The following TRPS1 variants were observed in gnomAD, a reference collection of about 807,000 sequenced individuals.
The protein encoded by TRPS1 is zinc finger transcription factor Trps1.
A neutral mutation model predicts 101.2 loss-of-function variants in TRPS1; 6 were observed. The observed-to-expected ratio is 0.06, with a 90% CI of 0.03 to 0.12. The LOEUF is 0.12. Ranked by LOEUF, TRPS1 falls within the 10% of genes least tolerant of loss-of-function variation. The pLI, the probability that TRPS1 is intolerant of heterozygous loss-of-function variation, is 1.00. For missense variants in TRPS1, 1,363 were observed against 1,567.0 expected, an observed-to-expected ratio of 0.87 and a Z score of 2.20; for synonymous variants, 578 against 589.8, an observed-to-expected ratio of 0.98 and a Z score of 0.29.
rs187306755 is a variant in TRPS1 at position 115,664,015 on chromosome 8, C to A, written c.-122+4530G>T. On this transcript the variant is annotated intron_variant, in intron 1 of 6. Coordinates refer to ENST00000395715, the MANE Select transcript of TRPS1 (RefSeq NM_014112.5). ...GCACTGTGATAGCTCAAAAAGTGAT[C>A]ATAATAATAAAATCGAAGATATTAT... Among the ~76,000 whole-genome samples, 35 of 152,014 alleles carry A rather than the reference C, an allele frequency of 2.3e-4. No homozygotes were observed. In the East Asian group the frequency reaches 5.4e-3, roughly 23 times the overall value.
chr8:115,657,396 A>G (rs1563674518), intron 1 of TRPS1, among the ~76,000 whole-genome samples: 1 of 152,148 alleles, frequency 6.6e-6, no homozygotes, highest in Non-Finnish European at 1.5e-5. Context: ...ATGGAAGTAC[A>G]ATCATTTATT....
intron 5 of TRPS1, among the ~76,000 whole-genome samples, chr8:115,584,153 T>C (rs371213397): frequency 6.6e-6 from 1 of 152,054 alleles, no homozygotes; most frequent in Non-Finnish European, 1.5e-5. Flanking sequence ...TTTACCAGCA[T>C]AGTATTGAAC....
intron 4 of TRPS1, among the ~76,000 whole-genome samples, chr8:115,593,260 T>C (rs1341625433): frequency 1.3e-5 from 2 of 152,214 alleles, no homozygotes; most frequent in African/African-American, 4.8e-5. Flanking sequence ...TTCTTTATCA[T>C]TGTTTGGAGA....
intron 5 of TRPS1, among the ~76,000 whole-genome samples, chr8:115,505,744 C>T (rs1054626084): frequency 3.3e-5 from 5 of 152,090 alleles, no homozygotes; most frequent in Admixed American, 1.3e-4. Flanking sequence ...TTGGCACAAA[C>T]TCATGAGCTT....
chr8:115,559,382 C>T (rs1363497878), intron 5 of TRPS1, among the ~76,000 whole-genome samples: 1 of 152,100 alleles, frequency 6.6e-6, no homozygotes, highest in Admixed American at 6.6e-5. Flanking sequence ...TTGGATAACA[C>T]TAAATTCATA....
At chr8:115,655,896 T>C (rs1419595540) in intron 1 of TRPS1, among the ~76,000 whole-genome samples, 3 of 152,136 alleles carry the variant, frequency 2.0e-5, no homozygotes, top group Admixed American at 1.3e-4. Flanking sequence ...ACAACACCGA[T>C]GTGATTACAT....
At chr8:115,484,838 T>C (rs1814838486) in intron 5 of TRPS1, among the ~76,000 whole-genome samples, 1 of 152,140 alleles carries the variant, frequency 6.6e-6, no homozygotes, top group Non-Finnish European at 1.5e-5. Flanking sequence ...AAGAACACAA[T>C]GTTCTTCCAC....
At chr8:115,425,156 C>T (rs1586260879) in intron 5 of TRPS1, among the ~76,000 whole-genome samples, 1 of 152,142 alleles carries the variant, frequency 6.6e-6, no homozygotes. Context: ...AGCACTCTGC[C>T]AACAGAAAGC....
chr8:115,448,462 G>A (rs1324308280), intron 5 of TRPS1, among the ~76,000 whole-genome samples: 1 of 152,036 alleles, frequency 6.6e-6, no homozygotes, highest in South Asian at 2.1e-4. Flanking sequence ...CTGTCAGAAC[G>A]AGTGCTGACA....
At chr8:115,505,413 GACATGGGAAA>G (rs1298358498) in intron 5 of TRPS1, among the ~76,000 whole-genome samples, 2 of 152,002 alleles carry the variant, frequency 1.3e-5, no homozygotes, top group African/African-American at 4.8e-5. Context: ...GGCTAGTAAT[GACATGGGAAA>G]ACCTATGCGC....
intron 5 of TRPS1, among the ~76,000 whole-genome samples, chr8:115,448,288 GA>G (rs1813786224): frequency 6.6e-6 from 1 of 152,096 alleles, no homozygotes; most frequent in African/African-American, 2.4e-5. Flanking sequence ...TGATGTTTGA[GA>G]AATGACAAAA....
At chr8:115,540,210 C>T (rs980271052) in intron 5 of TRPS1, among the ~76,000 whole-genome samples, 4 of 151,942 alleles carry the variant, frequency 2.6e-5, no homozygotes, top group East Asian at 1.9e-4. Context: ...CATTTAACAG[C>T]GATATTTGAG....
intron 5 of TRPS1, among the ~76,000 whole-genome samples, chr8:115,454,050 C>T (rs1356439352): frequency 1.3e-5 from 2 of 152,158 alleles, no homozygotes; most frequent in Non-Finnish European, 2.9e-5. Context: ...ATCCCCAGGT[C>T]GGCAACTCTA....
chr8:115,580,245 A>AAAAAAT (rs1554591592), intron 5 of TRPS1, among the ~76,000 whole-genome samples: 19 of 139,860 alleles, frequency 1.4e-4, no homozygotes, highest in African/African-American at 4.8e-4. Context: ...AAAAAAAAAA[A>AAAAAAT]ATATATATAT....
intron 5 of TRPS1, among the ~76,000 whole-genome samples, chr8:115,529,015 T>C (rs1333482417): frequency 6.6e-6 from 1 of 152,018 alleles, no homozygotes; most frequent in Admixed American, 6.6e-5. Flanking sequence ...ACAGTATCAC[T>C]GGCATCATCC....
intron 5 of TRPS1, among the ~76,000 whole-genome samples, chr8:115,441,102 T>A (rs1041777069): frequency 6.6e-6 from 1 of 152,212 alleles, no homozygotes; most frequent in Non-Finnish European, 1.5e-5. Flanking sequence ...TCAAGATTTG[T>A]TTTAATTAGG....
At chr8:115,614,135 G>A (rs754371498) in intron 3 of TRPS1, among the ~76,000 whole-genome samples, 16 of 152,106 alleles carry the variant, frequency 1.1e-4, no homozygotes, top group Non-Finnish European at 2.1e-4. Flanking sequence ...CTGCACGTAT[G>A]CTGTAATTAC....
intron 4 of TRPS1, 54 bp downstream of exon 4, chr8:115,603,819 T>G: frequency 6.2e-7 from 1 of 1,601,334 alleles, no homozygotes; most frequent in South Asian, 1.1e-5. Context: ...TTCTATGGAT[T>G]TTTTCTATTA....
At chr8:115,519,206 T>G (rs1199737256) in intron 5 of TRPS1, among the ~76,000 whole-genome samples, 1 of 151,668 alleles carries the variant, frequency 6.6e-6, no homozygotes, top group African/African-American at 2.4e-5. Flanking sequence ...AACATGTCAT[T>G]TAAAAAAATG....
Sources: gnomAD v4.1 joint callset for allele counts (sites outside exome capture counted in the v4.1 genomes callset) on GRCh38, gnomAD v4.1.1 for gene constraint, MANE v1.5 for transcripts, NCBI Gene and HGNC (gene_info 2026-07-23, HGNC 2026-07-21) for gene names.